Variants in CRPPA observed in about 807,000 individuals in gnomAD.
CRPPA encodes the protein D-ribitol-5-phosphate cytidylyltransferase.
A neutral mutation model predicts 52.0 loss-of-function variants in CRPPA; 43 were observed. The observed-to-expected ratio is 0.83, with a 90% CI of 0.65 to 1.07. The LOEUF (loss-of-function observed/expected upper bound fraction) is 1.07, where lower values mean the gene tolerates loss of function less well. Among genes scored for constraint, CRPPA ranks in the 50% least tolerant of loss-of-function variants. The pLI is 0.00. For missense variants in CRPPA, 629 were observed against 551.7 expected, an observed-to-expected ratio of 1.14 and a Z score of -1.40; for synonymous variants, 250 against 203.5, an observed-to-expected ratio of 1.23 and a Z score of -1.94.
intron 9 of CRPPA, among the ~76,000 whole-genome samples, chr7:16,177,245 A>C (rs911403458): frequency 1.3e-5 from 2 of 152,098 alleles, no homozygotes; most frequent in Non-Finnish European, 2.9e-5. Flanking sequence ...TGCTCAATAC[A>C]TTTGTTGAAA....
intron 9 of CRPPA, among the ~76,000 whole-genome samples, chr7:16,114,712 T>A (rs919681477): frequency 1.3e-5 from 2 of 151,544 alleles, no homozygotes; most frequent in Non-Finnish European, 2.9e-5. Context: ...AGAAAAAAAA[T>A]TAGGTTCCTG....
At chr7:16,270,226 C>T (rs1222750813) in intron 6 of CRPPA, 1 of 152,004 alleles carries the variant, frequency 6.6e-6, no homozygotes, top group Non-Finnish European at 1.5e-5. Context: ...TAAGCAATGA[C>T]CTCATTTCTA....
intron 8 of CRPPA, among the ~76,000 whole-genome samples, chr7:16,254,301 C>A (rs942293924): frequency 6.6e-6 from 1 of 152,026 alleles, no homozygotes; most frequent in Non-Finnish European, 1.5e-5. Flanking sequence ...ATGTTTATTG[C>A]GGCACTATTC....
intron 9 of CRPPA, among the ~76,000 whole-genome samples, chr7:16,104,218 G>C (rs79943018): frequency 2.5e-4 from 38 of 152,304 alleles, no homozygotes; most frequent in African/African-American, 9.1e-4. Flanking sequence ...GTTCTGAATA[G>C]AGTAGTGCCA....
At chr7:16,280,406 G>A (rs113266275) in intron 5 of CRPPA, among the ~76,000 whole-genome samples, 3 of 152,244 alleles carry the variant, frequency 2.0e-5, no homozygotes, top group African/African-American at 7.2e-5. Context: ...TAATATCTTA[G>A]GCTAAGGCCC....
intron 3 of CRPPA, among the ~76,000 whole-genome samples, chr7:16,315,450 G>A (rs535325596): frequency 9.2e-5 from 14 of 152,148 alleles, no homozygotes; most frequent in Middle Eastern, 3.4e-3. Context: ...AAGGTAAATC[G>A]GACTTGTACT....
intron 2 of CRPPA, among the ~76,000 whole-genome samples, chr7:16,399,534 C>G (rs577674817): frequency 6.6e-6 from 1 of 152,164 alleles, no homozygotes; most frequent in African/African-American, 2.4e-5. Context: ...TGACACGTGA[C>G]TGACACGAGA....
At chr7:16,191,976 T>C (rs1781623639) in intron 9 of CRPPA, among the ~76,000 whole-genome samples, 1 of 152,142 alleles carries the variant, frequency 6.6e-6, no homozygotes, top group Admixed American at 6.6e-5. Flanking sequence ...TCTAAAACAA[T>C]GCCTGGCATA....
rs188265766 is a variant in CRPPA at position 16,281,098 on chromosome 7, G to T, written c.836-2872C>A. On this transcript the variant is annotated intron_variant, in intron 5 of 9. Transcript: ENST00000407010. The stretch of plus-strand genomic sequence containing the variant: ...TAAATAGAACACATTTGTTGTTTAG[G>T]AGTCCTTCATTGCCACATAAATTTT... Among the ~76,000 whole-genome samples, 65 of 152,262 alleles carry T rather than the reference G, an allele frequency of 4.3e-4. 1 individual carries two copies. The East Asian group carries it at 8.9e-3, about 21-fold the overall frequency.
chr7:16,212,867 C>A (rs1782187838), intron 9 of CRPPA, among the ~76,000 whole-genome samples: 1 of 152,074 alleles, frequency 6.6e-6, no homozygotes, highest in Admixed American at 6.6e-5. Context: ...GTGAAAGAAA[C>A]AATCAGTTAT....
intron 9 of CRPPA, among the ~76,000 whole-genome samples, chr7:16,162,967 CTTTCTCTTTTTTT>C (rs1780940930): frequency 7.3e-6 from 1 of 137,110 alleles, no homozygotes; most frequent in Non-Finnish European, 1.6e-5. Flanking sequence ...TTTTCTTTTT[CTTTCTCTTTTTTT>C]TTTTTTTTTT....
rs886044479 is a variant in CRPPA, at chr7:16,421,084, G to A, written c.239C>T (p.Thr80Ile). The change falls in exon 1 of 10, where the codon ACC (threonine) becomes ATC (isoleucine). Residue 80 changes from threonine to isoleucine, a missense_variant. By Grantham distance (89) the Thr-to-Ile change is moderately conservative. Transcript: ENST00000407010. Reference protein sequence around the residue: ...PILERPLISYTLQALERVCWI... With the variant: ...PILERPLISYILQALERVCWI... ...GCATTACCTCTCCAGGGCCTGTAGGGTGTAGCTGATGAGCGGCCTCTCCAG... is the reference window on the plus strand; with the variant it reads ...GCATTACCTCTCCAGGGCCTGTAGGATGTAGCTGATGAGCGGCCTCTCCAG... 1.5e-6 allele frequency: 2 copies of A among 1,296,680 alleles called. No homozygotes were observed. The highest frequency in any genetic ancestry group is 2.0e-6 in the Non-Finnish European group (2 of 1,015,552). The allele number at this position is 1,296,680 out of a possible 1,614,324, so 80.3% of individuals were successfully genotyped here.
At chr7:16,303,435 G>A (rs1446572588) in intron 4 of CRPPA, among the ~76,000 whole-genome samples, 1 of 125,966 alleles carries the variant, frequency 7.9e-6, no homozygotes, top group Non-Finnish European at 1.6e-5. Context: ...TTCCTATCAC[G>A]TCTACATGTT....
intron 2 of CRPPA, among the ~76,000 whole-genome samples, chr7:16,396,609 A>C (rs1787578395): frequency 6.6e-6 from 1 of 152,260 alleles, no homozygotes; most frequent in South Asian, 2.1e-4. Flanking sequence ...TTGTACGAAA[A>C]AGATACTTAC....
intron 3 of CRPPA, among the ~76,000 whole-genome samples, chr7:16,317,697 G>A (rs1308093466): frequency 6.6e-6 from 1 of 152,150 alleles, no homozygotes; most frequent in Non-Finnish European, 1.5e-5. Context: ...TGTGAACAAT[G>A]CATCAATGAT....
At chr7:16,255,664 A>C (rs1426167386) in intron 8 of CRPPA, among the ~76,000 whole-genome samples, 3 of 152,202 alleles carry the variant, frequency 2.0e-5, no homozygotes. Flanking sequence ...CTGATCTTTC[A>C]CAAACCCGAC....
chr7:16,318,976 C>A (rs1002583969), intron 3 of CRPPA, among the ~76,000 whole-genome samples: 2 of 152,184 alleles, frequency 1.3e-5, no homozygotes, highest in Non-Finnish European at 2.9e-5. Context: ...TCTTGGCTAT[C>A]ATCCACAGAA....
intron 9 of CRPPA, among the ~76,000 whole-genome samples, chr7:16,106,485 C>G (rs1356740174): frequency 1.3e-5 from 2 of 152,168 alleles, no homozygotes; most frequent in Non-Finnish European, 2.9e-5. Context: ...TCCCAGCCAC[C>G]AGACAGCAGA....
At chr7:16,387,066 TATATATATATATATATATATACAC>T (rs879935874) in intron 2 of CRPPA, among the ~76,000 whole-genome samples, 24,974 of 108,992 alleles carry the variant, frequency 0.23, 2,667 homozygotes, top group South Asian at 0.37. Flanking sequence ...TATATATATA[TATATATATATATATATATATACAC>T]ACATATATAT....
Sources: allele counts gnomAD v4.1 joint callset (sites outside exome capture counted in the v4.1 genomes callset), GRCh38; gene constraint gnomAD v4.1.1; transcripts MANE v1.5; gene names NCBI Gene and HGNC (gene_info 2026-07-23, HGNC 2026-07-21).